Variants in MPPED2 observed in about 807,000 individuals in gnomAD.
The protein encoded by MPPED2 is metallophosphoesterase domain containing 2, also known as metallophosphoesterase MPPED2.
MPPED2 carries 5 observed loss-of-function variants against 33.0 expected under a neutral mutation model. The ratio of observed to expected loss-of-function variants is 0.15; its 90% CI spans 0.08 to 0.32. The LOEUF is 0.32. MPPED2 is among the 10% of genes least tolerant of loss of function. The pLI, the probability that MPPED2 is intolerant of heterozygous loss-of-function variation, is 1.00. For missense variants in MPPED2, 275 were observed against 372.1 expected (o/e 0.74, Z 2.15); for synonymous variants, 136 against 141.9 (o/e 0.96, Z 0.29).
chr11:30,448,423 C>G (rs1949907989), intron 4 of MPPED2, among the ~76,000 whole-genome samples: 1 of 152,156 alleles, frequency 6.6e-6, no homozygotes, highest in Non-Finnish European at 1.5e-5. Context: ...AAGCCTCACT[C>G]CCTATCTATG....
chr11:30,438,507 T>C (rs1169322714), intron 4 of MPPED2, among the ~76,000 whole-genome samples: 3 of 152,216 alleles, frequency 2.0e-5, no homozygotes, highest in Non-Finnish European at 4.4e-5. Context: ...CTTGACAAGA[T>C]AATGGGGTGA....
At chr11:30,473,090 A>G (rs1346212280) in intron 4 of MPPED2, among the ~76,000 whole-genome samples, 1 of 152,190 alleles carries the variant, frequency 6.6e-6, no homozygotes, top group Non-Finnish European at 1.5e-5. Flanking sequence ...ACTGTTCCAA[A>G]AAAGTATCTT....
chr11:30,415,375 G>A (rs1418620372), intron 5 of MPPED2, among the ~76,000 whole-genome samples: 1 of 152,110 alleles, frequency 6.6e-6, no homozygotes, highest in Admixed American at 6.5e-5. Flanking sequence ...TACATTGATT[G>A]GCATATTACC....
At chr11:30,525,076 C>T (rs1351327837) in intron 3 of MPPED2, among the ~76,000 whole-genome samples, 1 of 152,198 alleles carries the variant, frequency 6.6e-6, no homozygotes, top group East Asian at 1.9e-4. Flanking sequence ...TCCTAGGCCT[C>T]CCACTGACAA....
At chr11:30,536,255 A>G (rs1954803963) in intron 2 of MPPED2, 80 bp from the exon 3 acceptor site, 1 of 1,257,386 alleles carries the variant, frequency 8.0e-7, no homozygotes, top group African/African-American at 1.5e-5. Context: ...CATATTTATT[A>G]TTATTCGTGA....
chr11:30,535,125 T>G (rs778962839), intron 3 of MPPED2, among the ~76,000 whole-genome samples: 7 of 152,184 alleles, frequency 4.6e-5, no homozygotes, highest in Non-Finnish European at 8.8e-5. Context: ...GTCTTATCAT[T>G]TAATCGAAAA....
chr11:30,419,437 T>G (rs1366994133), intron 4 of MPPED2, among the ~76,000 whole-genome samples: 1 of 152,202 alleles, frequency 6.6e-6, no homozygotes, highest in Non-Finnish European at 1.5e-5. Context: ...TGAAGCCTAG[T>G]GAGCTCTGAA....
At chr11:30,409,278 G>C (rs1186950615), downstream of MPPED2, among the ~76,000 whole-genome samples, 1 of 152,138 alleles carries the variant, frequency 6.6e-6, no homozygotes, top group Non-Finnish European at 1.5e-5. Flanking sequence ...CTAGGATGGG[G>C]CTTGAAGTGA....
chr11:30,506,841 T>C (rs543310050), intron 3 of MPPED2, among the ~76,000 whole-genome samples: 9 of 152,234 alleles, frequency 5.9e-5, no homozygotes, highest in Non-Finnish European at 1.3e-4. Context: ...GGGCAGATGA[T>C]GCAGGATTTC....
At chr11:30,505,541 AT>A (rs1166228964) in intron 3 of MPPED2, among the ~76,000 whole-genome samples, 14 of 152,168 alleles carry the variant, frequency 9.2e-5, no homozygotes, top group Admixed American at 7.9e-4. Flanking sequence ...TCCACTGTTT[AT>A]TTTATCCAAA....
chr11:30,579,189 TG>T (rs770691591), intron 2 of MPPED2, among the ~76,000 whole-genome samples: 1 of 147,914 alleles, frequency 6.8e-6, no homozygotes, highest in South Asian at 2.2e-4. Context: ...AATTCCAGGG[TG>T]GGGGGGTGTG....
chr11:30,525,816 T>A (rs1219683928), intron 3 of MPPED2, among the ~76,000 whole-genome samples: 3 of 152,222 alleles, frequency 2.0e-5, no homozygotes, highest in African/African-American at 7.2e-5. Flanking sequence ...AGATGTCATA[T>A]AAATTAAAGG....
Position 30,481,617 on chromosome 11 carries a change from G to T in MPPED2, c.536+13679C>A, listed in dbSNP as rs148126418. Among the ~76,000 whole-genome samples the T allele has an allele frequency of 3.9e-4, 60 of 152,202 alleles. No individual in the cohort carries two copies. In the East Asian group the frequency reaches 0.01, roughly 26 times the overall value. On this transcript the variant is annotated intron_variant, in intron 4 of 6. Coordinates refer to ENST00000358117, the MANE Select transcript of MPPED2 (RefSeq NM_001584.3). ...GAGAGGAGGGGAGCTTACAGCACTA[G>T]AATACAAATAAGCAAAGGTAGGCAC...
chr11:30,401,617 T>C (rs1270512857), intron 6 of MPPED2, among the ~76,000 whole-genome samples: 1 of 152,222 alleles, frequency 6.6e-6, no homozygotes, highest in African/African-American at 2.4e-5. Flanking sequence ...TATCCATAGA[T>C]TCAACTGAAA....
In MPPED2 at chr11:30,411,009, AAAG is replaced by A; in HGVS notation, c.*456_*458del. On this transcript the variant is annotated 3_prime_UTR_variant, in exon 7 of 7. Coordinates refer to ENST00000358117, the MANE Select transcript of MPPED2 (RefSeq NM_001584.3). ...TATAAATTGGGACCACATCTGCAAAAAAGAAGCATTACCAAGAAAACAACAACA... is the reference window on the plus strand; with the variant it reads ...TATAAATTGGGACCACATCTGCAAAAAAGCATTACCAAGAAAACAACAACA... 1 of 985,922 alleles carries A rather than the reference AAAG, an allele frequency of 1.0e-6. No homozygotes were observed. Among genetic ancestry groups the A allele is most frequent in the Non-Finnish European group, 1.2e-6 (1 of 829,986 alleles). The allele number at this position is 985,922 out of a possible 1,614,324, so 61.1% of individuals were successfully genotyped here. A position where few individuals can be genotyped will look rare whatever the true frequency, so the allele number is the denominator to read the frequency against.
intron 4 of MPPED2, among the ~76,000 whole-genome samples, chr11:30,478,675 C>G (rs1432073651): frequency 2.0e-5 from 3 of 152,050 alleles, no homozygotes; most frequent in Non-Finnish European, 4.4e-5. Flanking sequence ...AGGCTCTAAA[C>G]CAACAAGATT....
At chr11:30,443,408 A>G (rs1002534199) in intron 4 of MPPED2, among the ~76,000 whole-genome samples, 2 of 152,112 alleles carry the variant, frequency 1.3e-5, no homozygotes, top group South Asian at 4.1e-4. Context: ...CACAGATGGG[A>G]GTCAAGCTCT....
At chr11:30,548,061 C>A (rs1328308800) in intron 2 of MPPED2, among the ~76,000 whole-genome samples, 3 of 152,120 alleles carry the variant, frequency 2.0e-5, no homozygotes, top group African/African-American at 7.2e-5. Flanking sequence ...ATCCACAAGA[C>A]CTGGCTTTGG....
intron 6 of MPPED2, among the ~76,000 whole-genome samples, chr11:30,393,816 T>C (rs533292315): frequency 6.6e-6 from 1 of 152,340 alleles, no homozygotes; most frequent in South Asian, 2.1e-4. Context: ...AATGTACAGT[T>C]AATCTGACTT....
Sources: gnomAD v4.1 joint callset for allele counts (sites outside exome capture counted in the v4.1 genomes callset) on GRCh38, gnomAD v4.1.1 for gene constraint, MANE v1.5 for transcripts, NCBI Gene and HGNC (gene_info 2026-07-23, HGNC 2026-07-21) for gene names.